Variants in ARHGAP12 observed in about 807,000 individuals in gnomAD.
ARHGAP12 encodes the protein rho GTPase-activating protein 12.
ARHGAP12 carries 64 observed loss-of-function variants against 108.6 expected under a neutral mutation model. The observed-to-expected ratio is 0.59, with a 90% CI of 0.48 to 0.73. The LOEUF is 0.73. Ranked by LOEUF, ARHGAP12 falls within the 30% of genes least tolerant of loss-of-function variation. ARHGAP12 has a pLI of 0.00. For synonymous variants in ARHGAP12, 312 were observed against 337.2 expected (o/e 0.93, Z 0.82); for missense variants, 940 against 1,005.9 (o/e 0.93, Z 0.89).
At chr10:31,850,359 T>G (rs1174846799) in intron 6 of ARHGAP12, among the ~76,000 whole-genome samples, 2 of 152,202 alleles carry the variant, frequency 1.3e-5, no homozygotes, top group Non-Finnish European at 2.9e-5. Context: ...TAACCCTTAT[T>G]AGAACAGCCT....
chr10:31,894,905 A>G (rs901461650), intron 3 of ARHGAP12, among the ~76,000 whole-genome samples: 1 of 152,350 alleles, frequency 6.6e-6, no homozygotes, highest in African/African-American at 2.4e-5. Flanking sequence ...ACAGAGATAC[A>G]GACCAATGGA....
chr10:31,844,037 C>T (rs141711938), intron 6 of ARHGAP12, among the ~76,000 whole-genome samples: 96 of 152,150 alleles, frequency 6.3e-4, no homozygotes, highest in African/African-American at 2.2e-3. Flanking sequence ...CAAAAATAAG[C>T]ATTATTTTAA....
intron 6 of ARHGAP12, among the ~76,000 whole-genome samples, chr10:31,848,823 A>G (rs1296487049): frequency 6.6e-6 from 1 of 152,220 alleles, no homozygotes; most frequent in Non-Finnish European, 1.5e-5. Flanking sequence ...CTGTAATTCC[A>G]GCACTCTGGG....
intron 3 of ARHGAP12, among the ~76,000 whole-genome samples, chr10:31,861,897 G>A (rs1370221842): frequency 6.6e-6 from 1 of 152,142 alleles, no homozygotes; most frequent in Non-Finnish European, 1.5e-5. Flanking sequence ...CTGAAACAGT[G>A]TGATGGACAG....
In ARHGAP12 at chr10:31,908,461, G is replaced by C. The variant is rs185976135; in HGVS notation, c.395C>G (p.Ala132Gly). ...SVQGTGLIRD[A>G]NQNFGPSYNQ... ...ATAACTGGGTCCAAAATTCTGATTG[G>C]CATCACGAATAAGACCTGTTCCTTG... Residue 132 changes from alanine to glycine, a missense_variant, in exon 3 of 20, where the codon GCC becomes GGC. Transcript: ENST00000344936. 38 of 1,614,202 alleles carry C rather than the reference G, an allele frequency of 2.4e-5. No individual in the cohort carries two copies. Among genetic ancestry groups the C allele is most frequent in the Non-Finnish European group, 3.1e-5 (36 of 1,180,040 alleles).
At chr10:31,882,839 A>G (rs1471889237) in intron 3 of ARHGAP12, among the ~76,000 whole-genome samples, 1 of 146,406 alleles carries the variant, frequency 6.8e-6, no homozygotes, top group Non-Finnish European at 1.5e-5. Flanking sequence ...AAAAAAAAAC[A>G]GAAACTAGGC....
chr10:31,815,358 A>AGT (rs1345302088), intron 13 of ARHGAP12, among the ~76,000 whole-genome samples: 1 of 152,140 alleles, frequency 6.6e-6, no homozygotes, highest in Non-Finnish European at 1.5e-5. Flanking sequence ...CTTCCTCTAC[A>AGT]GTGCTCTATC....
rs2132308828 is a variant in ARHGAP12 at position 31,861,777 on chromosome 10, AAT to A, written c.685-121_685-120del. On this transcript the variant is annotated intron_variant, in intron 3 of 19. Coordinates refer to ENST00000344936, the MANE Select transcript of ARHGAP12 (RefSeq NM_018287.7). ...TCATTTTAAAACATATATACAGGTG[AAT>A]ATATTCTGAGGAAATAATAATTTAA... 5.8e-6 allele frequency: 5 copies of A among 863,724 alleles called. No homozygotes were observed. The Admixed American group carries it at 1.6e-4, about 28-fold the overall frequency. 53.5% of individuals were successfully genotyped at this position (863,724 alleles called of 1,614,324 possible).
rs556997170 is a variant in ARHGAP12, at chr10:31,841,498, C to G, written c.1297-1787G>C. On this transcript the variant is annotated intron_variant, in intron 7 of 19. Coordinates refer to ENST00000344936, the MANE Select transcript of ARHGAP12 (RefSeq NM_018287.7). ...TATGACACTCTCTCATGATGCTGCA[C>G]AGAGGCATCTAGCCCCAGCTTCCAG... is the stretch of plus-strand genomic sequence containing the variant. 2.0e-5 allele frequency among the ~76,000 whole-genome samples: 3 copies of G among 152,290 alleles called. No individual in the cohort carries two copies. The East Asian group carries it at 5.8e-4, about 29-fold the overall frequency.
intron 10 of ARHGAP12, chr10:31,826,768 A>G (rs998423289): frequency 1.2e-5 from 2 of 162,480 alleles, no homozygotes; most frequent in African/African-American, 4.8e-5. Context: ...TTAGACAAAC[A>G]CGCTTCCCTC....
chr10:31,910,418 AAGTCAATT>A (rs1316231682), intron 2 of ARHGAP12, 99 bp downstream of exon 2: 1 of 152,212 alleles, frequency 6.6e-6, no homozygotes, highest in East Asian at 1.9e-4. Context: ...GCCAGGTGGT[AAGTCAATT>A]AGTCACTGAT....
At chr10:31,896,752 T>C (rs1312731415) in intron 3 of ARHGAP12, among the ~76,000 whole-genome samples, 1 of 152,182 alleles carries the variant, frequency 6.6e-6, no homozygotes, top group Non-Finnish European at 1.5e-5. Flanking sequence ...TAGAACTTCC[T>C]ATTTTAGCTC....
chr10:31,836,053 A>G (rs1479622061), intron 9 of ARHGAP12, among the ~76,000 whole-genome samples: 1 of 152,224 alleles, frequency 6.6e-6, no homozygotes, highest in Non-Finnish European at 1.5e-5. Context: ...GTCAATGGAT[A>G]TAAAAAGAAT....
At chr10:31,919,755 C>T (rs1839712595) in intron 1 of ARHGAP12, among the ~76,000 whole-genome samples, 2 of 151,146 alleles carry the variant, frequency 1.3e-5, no homozygotes, top group South Asian at 2.1e-4. Flanking sequence ...CGCACCACTG[C>T]ACCTCCAGCC....
chr10:31,907,914 G>C (rs1006928469), intron 3 of ARHGAP12, among the ~76,000 whole-genome samples: 1 of 151,936 alleles, frequency 6.6e-6, no homozygotes, highest in African/African-American at 2.4e-5. Flanking sequence ...ATAGAGAAAA[G>C]GGAAAAAAAG....
intron 15 of ARHGAP12, among the ~76,000 whole-genome samples, chr10:31,811,638 G>C (rs1162125207): frequency 1.3e-5 from 2 of 149,642 alleles, no homozygotes; most frequent in Non-Finnish European, 3.0e-5. Context: ...TAATCAGCTA[G>C]TCTCTTCCTA....
rs368874725 is a variant in ARHGAP12, at chr10:31,839,660, A to C, written c.1348T>G (p.Ser450Ala). 4 of 1,608,328 alleles carry C rather than the reference A, an allele frequency of 2.5e-6. No homozygotes were observed. The highest frequency in any genetic ancestry group is 3.4e-6 in the Non-Finnish European group (4 of 1,176,190). Residue 450 changes from serine to alanine, a missense_variant, in exon 8 of 20, where the codon TCC becomes GCC. Transcript: ENST00000344936. ...ACTGTATCTTGGTGCTTTGGTGAGG[A>C]GGGAGAAGACTCATTTTCAGGAAAG... ...PCFPENESSP[S>A]SPKHQDTASS...
intron 17 of ARHGAP12, 35 bp from the exon 18 acceptor site, chr10:31,809,163 T>C: frequency 6.2e-7 from 1 of 1,612,712 alleles, no homozygotes; most frequent in Non-Finnish European, 8.5e-7. Context: ...TTTTAAAAAA[T>C]TACTTTAAGC....
chr10:31,811,542 CTTT>C (rs34453459), intron 15 of ARHGAP12, among the ~76,000 whole-genome samples: 7,462 of 136,000 alleles, frequency 0.055, 617 homozygotes, highest in African/African-American at 0.18. Context: ...ATTTGCCAGG[CTTT>C]TTTTTTTTTT....
Sources: gnomAD v4.1 joint callset for allele counts (sites outside exome capture counted in the v4.1 genomes callset) on GRCh38, gnomAD v4.1.1 for gene constraint, MANE v1.5 for transcripts, NCBI Gene and HGNC (gene_info 2026-07-23, HGNC 2026-07-21) for gene names.